Variants in INTS8 observed in about 807,000 individuals in gnomAD.
The protein encoded by INTS8 is protein kaonashi-1.
INTS8 carries 47 observed loss-of-function variants against 138.9 expected under a neutral mutation model. That is an observed-to-expected ratio of 0.34 (90% CI 0.27 to 0.43). INTS8 has a LOEUF of 0.43. INTS8 is among the 20% of genes least tolerant of loss of function. INTS8 has a pLI of 1.00. For missense variants in INTS8, 996 were observed against 1,173.0 expected, an observed-to-expected ratio of 0.85 and a Z score of 2.20; for synonymous variants, 392 against 400.9, an observed-to-expected ratio of 0.98 and a Z score of 0.27.
Position 94,879,961 on chromosome 8 carries a change from T to A in INTS8, c.2872-157T>A, listed in dbSNP as rs571686631. Reference sequence around the variant, plus strand: ...AGAGTGGCCCTGGTTAATCTTTATGTTAATTTTTTTCCAAGACTCCTGGGT... The same window carrying A: ...AGAGTGGCCCTGGTTAATCTTTATGATAATTTTTTTCCAAGACTCCTGGGT... On this transcript the variant is annotated intron_variant, in intron 26 of 26. Coordinates refer to ENST00000523731, the MANE Select transcript of INTS8 (RefSeq NM_017864.4). 1.3e-3 allele frequency: 673 copies of A among 526,800 alleles called. 13 individuals are homozygous for A. In the South Asian group the frequency reaches 0.02, roughly 16 times the overall value. 32.6% of individuals were successfully genotyped at this position (526,800 alleles called of 1,614,324 possible). A position where few individuals can be genotyped will look rare whatever the true frequency, so the allele number is the denominator to read the frequency against.
At chr8:94,850,599 G>A (rs1223752502) in intron 12 of INTS8, among the ~76,000 whole-genome samples, 4 of 134,650 alleles carry the variant, frequency 3.0e-5, no homozygotes, top group East Asian at 2.1e-4. Flanking sequence ...GTGACAGAGC[G>A]AGACTCCGAC....
chr8:94,827,137 A>G (rs111405987), intron 2 of INTS8, 126 bp from the exon 3 acceptor site: 8 of 833,088 alleles, frequency 9.6e-6, no homozygotes, highest in Admixed American at 7.2e-5. Context: ...TTCACATTTG[A>G]TAGCTAAACC....
intron 10 of INTS8, among the ~76,000 whole-genome samples, chr8:94,849,119 T>C (rs1563654183): frequency 6.6e-6 from 1 of 152,158 alleles, no homozygotes; most frequent in African/African-American, 2.4e-5. Flanking sequence ...TTTATTTTTT[T>C]AACTCTTTTC....
At chr8:94,867,674 C>T (rs59434004) in intron 20 of INTS8, 2 of 181,702 alleles carry the variant, frequency 1.1e-5, no homozygotes, top group African/African-American at 4.7e-5. Flanking sequence ...CAGGCACCCA[C>T]CACCACGCCT....
At position 94,847,058 on chromosome 8, in the gene INTS8, T is replaced by C. The variant is rs550364630; in HGVS notation, c.1261-2404T>C. Among the ~76,000 whole-genome samples, 4 of 152,330 alleles carry C rather than the reference T, an allele frequency of 2.6e-5. No individual in the cohort carries two copies. The South Asian group carries it at 8.3e-4, about 32-fold the overall frequency. ...CACATATTTTTATTTTTTTATTTTT[T>C]GAGACGAAGTCTTACTGTGTCGGCC... On this transcript the variant is annotated intron_variant, in intron 10 of 26. Coordinates refer to ENST00000523731, the MANE Select transcript of INTS8 (RefSeq NM_017864.4).
intron 10 of INTS8, among the ~76,000 whole-genome samples, chr8:94,843,766 C>G (rs1285816329): frequency 6.6e-6 from 1 of 152,066 alleles, no homozygotes; most frequent in Non-Finnish European, 1.5e-5. Flanking sequence ...ATGTTACATA[C>G]CTAGGGAATA....
Position 94,876,442 on chromosome 8 carries a change from T to G in INTS8, c.2828-4T>G. 1 of 1,530,496 alleles carries G rather than the reference T, an allele frequency of 6.5e-7. No homozygotes were observed. Among genetic ancestry groups the G allele is most frequent in the Non-Finnish European group, 9.0e-7 (1 of 1,112,860 alleles). The allele number at this position is 1,530,496 out of a possible 1,614,324, so 94.8% of individuals were successfully genotyped here. ...AGATTTATTTTCCTTAACTGATTCATTAGATCTTCATCATAAAAGAGGAGA... is the reference window on the plus strand; with the variant it reads ...AGATTTATTTTCCTTAACTGATTCAGTAGATCTTCATCATAAAAGAGGAGA... On this transcript the variant is annotated splice_polypyrimidine_tract_variant and splice_region_variant and intron_variant, in intron 25 of 26. Transcript: ENST00000523731.
intron 10 of INTS8, among the ~76,000 whole-genome samples, chr8:94,844,956 G>T (rs558185995): frequency 6.6e-6 from 1 of 150,992 alleles, no homozygotes; most frequent in East Asian, 2.0e-4. Flanking sequence ...GTTTTGTCAC[G>T]TTGTCCAGGC....
chr8:94,880,292 T>G lies in INTS8; in HGVS notation c.*58T>G. Reference sequence around the variant, plus strand: ...ACAATGGGCTAAAAATAAACAGTATTAAAAGGTTAAGTTTATATAATACAT... The same window carrying G: ...ACAATGGGCTAAAAATAAACAGTATGAAAAGGTTAAGTTTATATAATACAT... On this transcript the variant is annotated 3_prime_UTR_variant, in exon 27 of 27. Transcript: ENST00000523731. The G allele has an allele frequency of 1.1e-6, 1 of 898,228 alleles. No homozygotes were observed. The allele number at this position is 898,228 out of a possible 1,614,324, so 55.6% of individuals were successfully genotyped here.
rs151237407 is a variant in INTS8 at position 94,873,428 on chromosome 8, G to A, written c.2588G>A (p.Cys863Tyr). 5.6e-6 allele frequency: 9 copies of A among 1,613,932 alleles called. No individual in the cohort carries two copies. Among genetic ancestry groups the A allele is most frequent in the Non-Finnish European group, 7.6e-6 (9 of 1,179,888 alleles). Residue 863 changes from cysteine (C) to tyrosine (Y), a missense_variant, in exon 22 of 27, where the codon TGT (cysteine) becomes TAT (tyrosine). Physicochemically the swap from Cys to Tyr is radical, Grantham distance 194. Coordinates refer to ENST00000523731, the MANE Select transcript of INTS8 (RefSeq NM_017864.4). ...TATTACCTCCAGGCAGGAGCTGTGT[G>A]TTCTGACTTCTTTAACAAGGCTGTG... is the stretch of plus-strand genomic sequence containing the variant. Reference protein sequence around the residue: ...LHYYLQAGAVCSDFFNKAVPP... With the variant: ...LHYYLQAGAVYSDFFNKAVPP...
chr8:94,830,296 A>G (rs1383547434), intron 5 of INTS8, among the ~76,000 whole-genome samples: 4 of 152,228 alleles, frequency 2.6e-5, no homozygotes, highest in South Asian at 2.1e-4. Flanking sequence ...ACAATGTTCC[A>G]TATTACCATG....
At chr8:94,867,038 G>T in intron 18 of INTS8, 102 bp from the exon 19 acceptor site, 1 of 901,544 alleles carries the variant, frequency 1.1e-6, no homozygotes, top group Non-Finnish European at 1.7e-6. Flanking sequence ...TTTTCAAAAG[G>T]CAAGGGTCTT....
At chr8:94,855,472 A>G (rs574366800) in intron 14 of INTS8, among the ~76,000 whole-genome samples, 54 of 152,356 alleles carry the variant, frequency 3.5e-4, no homozygotes, top group African/African-American at 1.3e-3. Context: ...ACAATGCATC[A>G]TGAGACAATT....
At chr8:94,829,231 G>T (rs1297684092) in intron 5 of INTS8, among the ~76,000 whole-genome samples, 1 of 151,690 alleles carries the variant, frequency 6.6e-6, no homozygotes, top group Non-Finnish European at 1.5e-5. Context: ...TTATTATTAC[G>T]TTGTAATATA....
Position 94,859,668 on chromosome 8 carries a change from G to A in INTS8, c.2076+36G>A, listed in dbSNP as rs758760705. The A allele has an allele frequency of 2.0e-6, 3 of 1,526,410 alleles. No homozygotes were observed. The South Asian group carries it at 3.4e-5, about 17-fold the overall frequency. The allele number at this position is 1,526,410 out of a possible 1,614,324, so 94.6% of individuals were successfully genotyped here. A position where few individuals can be genotyped will look rare whatever the true frequency, so the allele number is the denominator to read the frequency against. ...TTTAAATAAAAGGATTGTTAGGATG[G>A]TATTATTATACTTGTTTCTTTAACT... is the stretch of plus-strand genomic sequence containing the variant. On this transcript the variant is annotated intron_variant, in intron 16 of 26. Transcript: ENST00000523731.
At chr8:94,840,683 G>A (rs986349922) in intron 8 of INTS8, among the ~76,000 whole-genome samples, 33 of 148,902 alleles carry the variant, frequency 2.2e-4, no homozygotes, top group African/African-American at 7.4e-4. Flanking sequence ...TCAGCCTCCC[G>A]AGTAGCTGGG....
chr8:94,873,401 A>G lies in INTS8; in HGVS notation c.2561A>G (p.His854Arg), dbSNP rs758578399. ...ACGAATCAGTATTCAGCAGCTCTTC[A>G]CTATTACCTCCAGGCAGGAGCTGTG... ...FATNQYSAALHYYLQAGAVCS... is the reference protein window; with the variant it reads ...FATNQYSAALRYYLQAGAVCS... The change falls in exon 22 of 27, where the codon CAC becomes CGC. Residue 854 changes from histidine to arginine, a missense_variant. Transcript: ENST00000523731. 1.9e-6 allele frequency: 3 copies of G among 1,613,862 alleles called. No individual in the cohort carries two copies. Among genetic ancestry groups the G allele is most frequent in the Non-Finnish European group, 2.5e-6 (3 of 1,179,764 alleles).
intron 15 of INTS8, among the ~76,000 whole-genome samples, chr8:94,858,104 C>G (rs1815819771): frequency 6.6e-6 from 1 of 152,212 alleles, no homozygotes; most frequent in Admixed American, 6.5e-5. Flanking sequence ...AAATGATCAT[C>G]TACGACACAT....
intron 10 of INTS8, among the ~76,000 whole-genome samples, chr8:94,848,774 C>G (rs1815424177): frequency 6.6e-6 from 1 of 152,058 alleles, no homozygotes; most frequent in Non-Finnish European, 1.5e-5. Context: ...TATGAACATT[C>G]TATTTTGTGT....
Sources: allele counts gnomAD v4.1 joint callset (sites outside exome capture counted in the v4.1 genomes callset), GRCh38; gene constraint gnomAD v4.1.1; transcripts MANE v1.5; gene names NCBI Gene and HGNC (gene_info 2026-07-23, HGNC 2026-07-21).